The following NBEA variants were observed in gnomAD, a reference collection of about 807,000 sequenced individuals.
NBEA encodes lysosomal-trafficking regulator 2.
NBEA carries 44 observed loss-of-function variants against 343.4 expected under a neutral mutation model. The observed-to-expected ratio is 0.13, with a 90% confidence interval of 0.10 to 0.16. The LOEUF (loss-of-function observed/expected upper bound fraction) is 0.16. NBEA is among the 10% of genes least tolerant of loss of function. The pLI, the probability that NBEA is intolerant of heterozygous loss-of-function variation, is 1.00. For synonymous variants in NBEA, 1,175 were observed against 1,238.7 expected (o/e 0.95, Z 1.08); for missense variants, 2,555 against 3,631.3 (o/e 0.70, Z 7.62).
At chr13:35,595,800 C>T (rs2081766179) in intron 47 of NBEA, among the ~76,000 whole-genome samples, 1 of 152,090 alleles carries the variant, frequency 6.6e-6, no homozygotes, top group Non-Finnish European at 1.5e-5. Flanking sequence ...CCCGTGCCCC[C>T]TACACCCATC....
At chr13:35,410,057 C>A (rs1052578741) in intron 38 of NBEA, among the ~76,000 whole-genome samples, 1 of 151,914 alleles carries the variant, frequency 6.6e-6, no homozygotes, top group Non-Finnish European at 1.5e-5. Context: ...CTAGTTGAAT[C>A]CAAAATGTTT....
chr13:35,105,179 A>C (rs1436799521), intron 11 of NBEA, among the ~76,000 whole-genome samples: 1 of 151,998 alleles, frequency 6.6e-6, no homozygotes, highest in Non-Finnish European at 1.5e-5. Context: ...AGTGTACTGA[A>C]GGGGTAAAAT....
At chr13:35,662,908 C>G (rs557350141) in intron 55 of NBEA, among the ~76,000 whole-genome samples, 2 of 152,158 alleles carry the variant, frequency 1.3e-5, no homozygotes, top group Admixed American at 6.5e-5. Flanking sequence ...GTGTGCTAGT[C>G]TCTCCAAGAT....
intron 45 of NBEA, among the ~76,000 whole-genome samples, chr13:35,575,862 T>A (rs1173952617): frequency 6.6e-6 from 1 of 152,084 alleles, no homozygotes; most frequent in Admixed American, 6.6e-5. Context: ...TTAGAATAGC[T>A]CCCAGCCACC....
intron 38 of NBEA, among the ~76,000 whole-genome samples, chr13:35,390,220 A>G (rs2152898948): frequency 6.6e-6 from 1 of 152,038 alleles, no homozygotes; most frequent in Middle Eastern, 3.4e-3. Flanking sequence ...GGGACTTAAG[A>G]CCTATTCCGT....
rs1289112512 is a variant in NBEA at position 35,086,893 on chromosome 13, C to T, written c.1572-11404C>T. Among the ~76,000 whole-genome samples the T allele has an allele frequency of 2.0e-5, 3 of 151,940 alleles. No individual in the cohort carries two copies. The East Asian group carries it at 5.8e-4, about 29-fold the overall frequency. Reference sequence around the variant, plus strand: ...GGTTTAGATTTGCATTCCTCTTATGCTTAGTCATGTTGAATATTTTTTCAT... The same window carrying T: ...GGTTTAGATTTGCATTCCTCTTATGTTTAGTCATGTTGAATATTTTTTCAT... On this transcript the variant is annotated intron_variant, in intron 10 of 58. Coordinates refer to ENST00000379939, the MANE Select transcript of NBEA (RefSeq NM_001385012.1).
intron 33 of NBEA, among the ~76,000 whole-genome samples, chr13:35,227,246 A>G (rs1286103986): frequency 6.6e-6 from 1 of 152,074 alleles, no homozygotes; most frequent in Non-Finnish European, 1.5e-5. Context: ...CAGATCTAGG[A>G]TACATTTACT....
chr13:35,496,045 T>A (rs1489714042), intron 41 of NBEA, among the ~76,000 whole-genome samples: 1 of 152,020 alleles, frequency 6.6e-6, no homozygotes, highest in Non-Finnish European at 1.5e-5. Flanking sequence ...TATGTATACA[T>A]GACCTTCCAG....
chr13:35,056,830 C>T (rs1238883444), intron 7 of NBEA, among the ~76,000 whole-genome samples: 2 of 152,112 alleles, frequency 1.3e-5, no homozygotes, highest in African/African-American at 2.4e-5. Flanking sequence ...TTTCAGCAGA[C>T]AAGTGATGTG....
At chr13:35,472,809 C>T (rs1031448903) in intron 41 of NBEA, among the ~76,000 whole-genome samples, 1 of 152,196 alleles carries the variant, frequency 6.6e-6, no homozygotes, top group African/African-American at 2.4e-5. Context: ...AAGCCAATTG[C>T]TTCCAAGTCC....
At chr13:35,333,308 A>T (rs1266050310) in intron 36 of NBEA, among the ~76,000 whole-genome samples, 1 of 152,178 alleles carries the variant, frequency 6.6e-6, no homozygotes, top group African/African-American at 2.4e-5. Context: ...AACTTGTAGA[A>T]TTTTTAAAAT....
chr13:35,587,306 T>G (rs2081334148), intron 46 of NBEA, among the ~76,000 whole-genome samples: 1 of 152,240 alleles, frequency 6.6e-6, no homozygotes, highest in African/African-American at 2.4e-5. Flanking sequence ...ACAGTCAATT[T>G]GAGTTCATCA....
At position 35,171,283 on chromosome 13, in the gene NBEA, A is replaced by T; in HGVS notation, c.4254A>T (p.Glu1418Asp). The T allele has an allele frequency of 6.2e-7, 1 of 1,607,278 alleles. No homozygotes were observed. The highest frequency in any genetic ancestry group is 8.5e-7 in the Non-Finnish European group (1 of 1,176,886). Residue 1418 changes from glutamate to aspartate, a missense_variant, in exon 26 of 59, where the codon GAA becomes GAT. Around this residue, in one of 21 missense-constraint regions of NBEA, gnomAD observed 168 missense variants for 193.0 expected, o/e 0.87. Transcript: ENST00000379939. Reference sequence around the variant, plus strand: ...CTACTTTTTTAAAGACGGAATTGGAAAATATTGAAGTGACACAAGGCATGT... The same window carrying T: ...CTACTTTTTTAAAGACGGAATTGGATAATATTGAAGTGACACAAGGCATGT... ...TSPTGSKTEL[E>D]NIEVTQGMSA...
In NBEA at chr13:35,106,236, TC is replaced by T. The variant is rs200160821; in HGVS notation, c.1681-3052del. The stretch of plus-strand genomic sequence containing the variant: ...GTTACAGATTTATAACTATAAATTA[TC>T]CAAGTATAGATCTCTTTCTAAAATA... On this transcript the variant is annotated intron_variant, in intron 11 of 58. Transcript: ENST00000379939. Among the ~76,000 whole-genome samples, 977 of 152,126 alleles carry T rather than the reference TC, an allele frequency of 6.4e-3. 10 individuals carry two copies. Among genetic ancestry groups the T allele is most frequent in the African/African-American group, 0.023 (936 of 41,542 alleles).
At chr13:35,595,896 T>G (rs561407451) in intron 47 of NBEA, among the ~76,000 whole-genome samples, 19 of 152,198 alleles carry the variant, frequency 1.2e-4, no homozygotes, top group African/African-American at 4.6e-4. Context: ...CATTTTTTTT[T>G]GAGTGACGTG....
chr13:34,961,651 C>G (rs1425373503), intron 1 of NBEA, among the ~76,000 whole-genome samples: 1 of 151,988 alleles, frequency 6.6e-6, no homozygotes, highest in East Asian at 1.9e-4. Context: ...AAGGTCTCTG[C>G]CCTGGAGTTT....
At chr13:35,178,209 G>C (rs2071050384) in intron 28 of NBEA, among the ~76,000 whole-genome samples, 1 of 151,686 alleles carries the variant, frequency 6.6e-6, no homozygotes, top group Non-Finnish European at 1.5e-5. Flanking sequence ...AATATCACTG[G>C]TGTTTGAGCT....
chr13:35,084,509 A>G lies in NBEA; in HGVS notation c.1571+13657A>G, dbSNP rs113314187. Reference sequence around the variant, plus strand: ...TGGGTAAATAATGAAACGAAGGTATAAATAAAAATGTTCTTTGAAACCAAC... The same window carrying G: ...TGGGTAAATAATGAAACGAAGGTATGAATAAAAATGTTCTTTGAAACCAAC... On this transcript the variant is annotated intron_variant, in intron 10 of 58. Coordinates refer to ENST00000379939, the MANE Select transcript of NBEA (RefSeq NM_001385012.1). 5.8e-3 allele frequency among the ~76,000 whole-genome samples: 879 copies of G among 152,316 alleles called. 9 individuals carry two copies. The highest frequency in any genetic ancestry group is 0.02 in the African/African-American group (842 of 41,564).
intron 34 of NBEA, among the ~76,000 whole-genome samples, chr13:35,287,629 C>G (rs2035516730): frequency 6.6e-6 from 1 of 151,948 alleles, no homozygotes; most frequent in Non-Finnish European, 1.5e-5. Flanking sequence ...CCTTGTCTGA[C>G]CACAATAAGC....
Sources: gnomAD v4.1 joint callset for allele counts (sites outside exome capture counted in the v4.1 genomes callset) on GRCh38, gnomAD v4.1.1 for gene constraint, gnomAD v4.1.1 regional missense constraint, MANE v1.5 for transcripts, NCBI Gene and HGNC (gene_info 2026-07-23, HGNC 2026-07-21) for gene names.